Variants in DLGAP2 observed in about 807,000 individuals in gnomAD.
DLGAP2 encodes disks large-associated protein 2.
A neutral mutation model predicts 100.3 loss-of-function variants in DLGAP2; 26 were observed. The observed-to-expected ratio is 0.26, with a 90% CI of 0.19 to 0.36. DLGAP2 has a LOEUF of 0.36. DLGAP2 is among the 10% of genes least tolerant of loss of function. The probability of loss-of-function intolerance (pLI) is 1.00; values close to 1 mark genes in which losing one functional copy is unlikely to be tolerated. For synonymous variants in DLGAP2, 886 were observed against 630.1 expected (o/e 1.41, Z -6.08); for missense variants, 1,858 against 1,453.2 (o/e 1.28, Z -4.53).
chr8:893,743 CA>C (rs756581711), intron 1 of DLGAP2, among the ~76,000 whole-genome samples: 49 of 152,376 alleles, frequency 3.2e-4, no homozygotes, highest in South Asian at 6.2e-4. Flanking sequence ...AAAATGTTTG[CA>C]GAGCACCAGC....
At chr8:762,525 G>A (rs575002884) in intron 1 of DLGAP2, among the ~76,000 whole-genome samples, 6 of 152,190 alleles carry the variant, frequency 3.9e-5, no homozygotes, top group East Asian at 3.9e-4. Flanking sequence ...AAACCATTCC[G>A]AGTCGCCACT....
intron 3 of DLGAP2, among the ~76,000 whole-genome samples, chr8:1,308,524 T>C (rs1209121241): frequency 6.6e-6 from 1 of 152,102 alleles, no homozygotes; most frequent in East Asian, 1.9e-4. Context: ...AGAAATCTTT[T>C]TTTGTTTTGT....
intron 2 of DLGAP2, among the ~76,000 whole-genome samples, chr8:957,690 C>T (rs922398324): frequency 2.0e-5 from 3 of 152,182 alleles, no homozygotes; most frequent in Admixed American, 2.0e-4. Flanking sequence ...ATGCCTTACC[C>T]TTGTCAGTCT....
rs34474905 is a variant in DLGAP2 at position 1,388,117 on chromosome 8, T to G, written c.107-113249T>G. On this transcript the variant is annotated intron_variant, in intron 3 of 14. Coordinates refer to ENST00000637795, the MANE Select transcript of DLGAP2 (RefSeq NM_001346810.2). ...GAGCAGAGGCCGTGGATGGGGAGGCTCTGGTTCAGGTGTCAGGGCTGTGAG... is the reference window on the plus strand; with the variant it reads ...GAGCAGAGGCCGTGGATGGGGAGGCGCTGGTTCAGGTGTCAGGGCTGTGAG... 9.1e-3 allele frequency among the ~76,000 whole-genome samples: 805 copies of G among 88,032 alleles called. 7 individuals carry two copies. Among genetic ancestry groups the G allele is most frequent in the South Asian group, 0.016 (42 of 2,652 alleles). 57.8% of individuals were successfully genotyped at this position (88,032 alleles called of 152,430 possible).
At chr8:1,025,045 T>C (rs1386480093) in intron 2 of DLGAP2, among the ~76,000 whole-genome samples, 1 of 152,118 alleles carries the variant, frequency 6.6e-6, no homozygotes, top group Non-Finnish European at 1.5e-5. Flanking sequence ...CCTGTGTGTG[T>C]GCATATGCGT....
At chr8:802,056 A>ACTCCTCCTGGGCCCTCC (rs1796170396) in intron 1 of DLGAP2, among the ~76,000 whole-genome samples, 12 of 41,900 alleles carry the variant, frequency 2.9e-4, no homozygotes, top group African/African-American at 6.0e-4. Context: ...CCTGGGGAAC[A>ACTCCTCCTGGGCCCTCC]GTCTGCACCC....
At chr8:1,429,456 T>C (rs1797345119) in intron 3 of DLGAP2, among the ~76,000 whole-genome samples, 1 of 152,152 alleles carries the variant, frequency 6.6e-6, no homozygotes, top group Admixed American at 6.5e-5. Context: ...GCTTCCATAC[T>C]AAACAAAGTA....
chr8:1,328,498 T>G lies in DLGAP2; in HGVS notation c.106+69615T>G, dbSNP rs192857749. 5.6e-4 allele frequency among the ~76,000 whole-genome samples: 85 copies of G among 151,984 alleles called. No individual in the cohort carries two copies. The East Asian group carries it at 6.0e-3, about 11-fold the overall frequency. ...CTAATTTGTGTGTGTTTTTTTGTTTTTTTGTTTGTTTGTTTGTTTTTTGGT... is the reference window on the plus strand; with the variant it reads ...CTAATTTGTGTGTGTTTTTTTGTTTGTTTGTTTGTTTGTTTGTTTTTTGGT... On this transcript the variant is annotated intron_variant, in intron 3 of 14. Transcript: ENST00000637795.
chr8:1,434,768 C>T (rs143433417), intron 3 of DLGAP2, among the ~76,000 whole-genome samples: 5 of 152,330 alleles, frequency 3.3e-5, no homozygotes, highest in South Asian at 4.1e-4. Context: ...AGCCACTGTG[C>T]CCGGCCGTCA....
chr8:1,181,601 G>C (rs998880791), intron 2 of DLGAP2, among the ~76,000 whole-genome samples: 1 of 151,956 alleles, frequency 6.6e-6, no homozygotes, highest in East Asian at 1.9e-4. Flanking sequence ...CTTAATACCT[G>C]GGGGGTGAAA....
intron 2 of DLGAP2, among the ~76,000 whole-genome samples, chr8:1,218,263 T>C (rs1299480340): frequency 6.6e-6 from 1 of 152,200 alleles, no homozygotes; most frequent in Non-Finnish European, 1.5e-5. Flanking sequence ...TTAATTATTG[T>C]ATATGGTAAA....
chr8:1,146,126 C>G (rs901133500), intron 2 of DLGAP2, among the ~76,000 whole-genome samples: 1 of 152,184 alleles, frequency 6.6e-6, no homozygotes, highest in Non-Finnish European at 1.5e-5. Flanking sequence ...AGGAGGGCGC[C>G]TGCCACACAT....
chr8:1,685,612 G>C (rs1463830556), intron 12 of DLGAP2, among the ~76,000 whole-genome samples: 5 of 152,092 alleles, frequency 3.3e-5, no homozygotes, highest in Non-Finnish European at 5.9e-5. Flanking sequence ...ATGGATGCTT[G>C]TCAGCACAGG....
chr8:788,787 T>C (rs1821948143), intron 1 of DLGAP2, among the ~76,000 whole-genome samples: 1 of 152,150 alleles, frequency 6.6e-6, no homozygotes, highest in Non-Finnish European at 1.5e-5. Context: ...TTTCACTGGG[T>C]CGTGGTGGGT....
Position 1,549,476 on chromosome 8 carries a change from G to T in DLGAP2, c.1023G>T (p.Lys341Asn), listed in dbSNP as rs371562156. 1 of 1,613,516 alleles carries T rather than the reference G, an allele frequency of 6.2e-7. No individual in the cohort carries two copies. Among genetic ancestry groups the T allele is most frequent in the East Asian group, 2.2e-5 (1 of 44,860 alleles). The change falls in exon 5 of 15, where the codon AAG (lysine) becomes AAT (asparagine). Residue 341 changes from lysine (K) to asparagine (N), a missense_variant. Coordinates refer to ENST00000637795, the MANE Select transcript of DLGAP2 (RefSeq NM_001346810.2). ...LQSPFGDLSL[K>N]TSKSNNDVKC... ...GCCCCTTCGGGGACCTGTCCCTCAAGACCTCCAAGAGCAACAACGACGTCA... is the reference window on the plus strand; with the variant it reads ...GCCCCTTCGGGGACCTGTCCCTCAATACCTCCAAGAGCAACAACGACGTCA...
intron 8 of DLGAP2, among the ~76,000 whole-genome samples, chr8:1,655,067 T>C (rs146969221): frequency 2.8e-4 from 42 of 152,362 alleles, no homozygotes; most frequent in African/African-American, 1.0e-3. Flanking sequence ...GGTGAGACTA[T>C]AATTTCTTGC....
intron 1 of DLGAP2, among the ~76,000 whole-genome samples, chr8:823,411 T>G (rs1205817854): frequency 6.6e-6 from 1 of 152,150 alleles, no homozygotes; most frequent in Non-Finnish European, 1.5e-5. Context: ...TGAAACTCCC[T>G]GTAACTAGCA....
intron 4 of DLGAP2, among the ~76,000 whole-genome samples, chr8:1,515,776 T>A (rs1334963990): frequency 5.3e-5 from 8 of 152,028 alleles, no homozygotes; most frequent in Non-Finnish European, 8.8e-5. Flanking sequence ...ATACAACACA[T>A]ACAACACACC....
intron 1 of DLGAP2, among the ~76,000 whole-genome samples, chr8:863,000 A>G (rs763702151): frequency 6.6e-6 from 1 of 152,234 alleles, no homozygotes; most frequent in Non-Finnish European, 1.5e-5. Context: ...AGAAATACAG[A>G]TATGAATATG....
Sources: gnomAD v4.1 joint callset for allele counts (sites outside exome capture counted in the v4.1 genomes callset) on GRCh38, gnomAD v4.1.1 for gene constraint, MANE v1.5 for transcripts, NCBI Gene and HGNC (gene_info 2026-07-23, HGNC 2026-07-21) for gene names.